STUM: variants seen among roughly 807,000 people sequenced by gnomAD.
The protein encoded by STUM is protein stum homolog.
STUM carries 8 observed loss-of-function variants against 15.3 expected under a neutral mutation model. The ratio of observed to expected loss-of-function variants is 0.52; its 90% CI spans 0.31 to 0.94. The LOEUF is 0.94. Ranked by LOEUF, STUM falls within the 40% of genes least tolerant of loss-of-function variation. The probability of loss-of-function intolerance (pLI) is 0.05; values close to 1 mark genes in which losing one functional copy is unlikely to be tolerated. For missense variants in STUM, 142 were observed against 204.9 expected (o/e 0.69, Z 1.87); for synonymous variants, 78 against 88.7 (o/e 0.88, Z 0.68).
Position 226,606,206 on chromosome 1 carries a change from G to GGA in STUM, c.*4167_*4168dup, listed in dbSNP as rs1668355089. Reference sequence around the variant, plus strand: ...CGAAGGCCCGAGGTTCTTGAGGAGGGGAAGCTGATAGGGCCCTGGTCTTTC... The same window carrying GGA: ...CGAAGGCCCGAGGTTCTTGAGGAGGGGAGAAGCTGATAGGGCCCTGGTCTTTC... On this transcript the variant is annotated 3_prime_UTR_variant, in exon 4 of 4. Coordinates refer to ENST00000366788, the MANE Select transcript of STUM (RefSeq NM_001003665.4). The GGA allele has an allele frequency of 7.5e-6, 1 of 133,656 alleles. No individual in the cohort carries two copies. Among genetic ancestry groups the GGA allele is most frequent in the Admixed American group, 7.3e-5 (1 of 13,636 alleles). The allele number at this position is 133,656 out of a possible 1,614,324, so 8.3% of individuals were successfully genotyped here.
chr1:226,596,824 T>G lies in STUM; in HGVS notation c.225T>G (p.Thr75=), dbSNP rs1186474884. The change falls in exon 2 of 4, where the codon ACT becomes ACG. Residue 75 remains threonine, a synonymous_variant. Coordinates refer to ENST00000366788, the MANE Select transcript of STUM (RefSeq NM_001003665.4). ...PGLGTFVSAF[T]VLCGARTDLP... ...CAGGGACATTCGTCTCGGCCTTCAC[T>G]GTGCTGTGCGGGGCCCGCACCGACC... 2 of 1,613,736 alleles carry G rather than the reference T, an allele frequency of 1.2e-6. No homozygotes were observed. The highest frequency in any genetic ancestry group is 2.2e-5 in the East Asian group (1 of 44,870).
At chr1:226,589,285 G>T (rs1169900852) in intron 1 of STUM, among the ~76,000 whole-genome samples, 2 of 152,268 alleles carry the variant, frequency 1.3e-5, no homozygotes, top group African/African-American at 4.8e-5. Flanking sequence ...CCCCCTTCCT[G>T]ATGGGAGACT....
At chr1:226,596,521 G>A (rs1426409215) in intron 1 of STUM, among the ~76,000 whole-genome samples, 2 of 152,202 alleles carry the variant, frequency 1.3e-5, no homozygotes, top group African/African-American at 4.8e-5. Flanking sequence ...TGCTTGTCCT[G>A]TGACTTCCTT....
chr1:226,602,294 T>A lies in STUM; in HGVS notation c.*254T>A. 1 of 515,538 alleles carries A rather than the reference T, an allele frequency of 1.9e-6. No homozygotes were observed. The highest frequency in any genetic ancestry group is 3.5e-6 in the Non-Finnish European group (1 of 286,460). 31.9% of individuals were successfully genotyped at this position (515,538 alleles called of 1,614,324 possible). A position where few individuals can be genotyped will look rare whatever the true frequency, so the allele number is the denominator to read the frequency against. Reference sequence around the variant, plus strand: ...AGAGCATCAGAGAGTGGGGTGGAGATGAGAACGCCCACAGAGAGGCTGGGA... The same window carrying A: ...AGAGCATCAGAGAGTGGGGTGGAGAAGAGAACGCCCACAGAGAGGCTGGGA... On this transcript the variant is annotated 3_prime_UTR_variant, in exon 4 of 4. Transcript: ENST00000366788.
In STUM at chr1:226,548,777, C is replaced by T; in HGVS notation, c.-128C>T. On this transcript the variant is annotated 5_prime_UTR_variant, in exon 1 of 4. Coordinates refer to ENST00000366788, the MANE Select transcript of STUM (RefSeq NM_001003665.4). ...GCGGGAGTCTCCGCGAGCCGCGCGG[C>T]GCACGGAGCACGGCGGCCGCCTGAG... 1.4e-6 allele frequency: 1 copy of T among 718,310 alleles called. No individual in the cohort carries two copies. The highest frequency in any genetic ancestry group is 1.9e-6 in the Non-Finnish European group (1 of 534,318). 44.5% of individuals were successfully genotyped at this position (718,310 alleles called of 1,614,324 possible).
At chr1:226,589,999 A>G (rs1029054873) in intron 1 of STUM, among the ~76,000 whole-genome samples, 2 of 152,128 alleles carry the variant, frequency 1.3e-5, no homozygotes, top group Admixed American at 6.5e-5. Flanking sequence ...GTGGCAGTCT[A>G]GAGGTGGAAC....
chr1:226,596,097 G>C (rs950815897), intron 1 of STUM, among the ~76,000 whole-genome samples: 1 of 152,198 alleles, frequency 6.6e-6, no homozygotes, highest in African/African-American at 2.4e-5. Flanking sequence ...TCTTAGACAA[G>C]GTGAAGAATG....
chr1:226,602,191 A>T lies in STUM; in HGVS notation c.*151A>T. 1 of 627,544 alleles carries T rather than the reference A, an allele frequency of 1.6e-6. No homozygotes were observed. The highest frequency in any genetic ancestry group is 2.8e-6 in the Non-Finnish European group (1 of 361,036). 38.9% of individuals were successfully genotyped at this position (627,544 alleles called of 1,614,324 possible). The stretch of plus-strand genomic sequence containing the variant: ...TTTTAAAAATATTATTTATTTTGAA[A>T]ACGCATCTGCTTTTCTCAGCAGGTT... On this transcript the variant is annotated 3_prime_UTR_variant, in exon 4 of 4. Transcript: ENST00000366788.
At chr1:226,585,910 G>A (rs2102704610) in intron 1 of STUM, among the ~76,000 whole-genome samples, 1 of 152,278 alleles carries the variant, frequency 6.6e-6, no homozygotes, top group Middle Eastern at 3.4e-3. Flanking sequence ...TTGGAAGCTG[G>A]GAAATCTGGG....
intron 1 of STUM, among the ~76,000 whole-genome samples, chr1:226,559,531 C>T (rs1244796138): frequency 2.0e-5 from 3 of 152,162 alleles, no homozygotes; most frequent in African/African-American, 7.2e-5. Flanking sequence ...GTGAGGACTG[C>T]GGAGGACAAC....
intron 1 of STUM, among the ~76,000 whole-genome samples, chr1:226,595,608 T>A (rs558976103): frequency 9.8e-5 from 15 of 152,314 alleles, no homozygotes; most frequent in African/African-American, 3.4e-4. Flanking sequence ...ACTTTGCAGA[T>A]GTGATTAAAT....
chr1:226,579,141 C>T (rs751625018), intron 1 of STUM, among the ~76,000 whole-genome samples: 9 of 152,186 alleles, frequency 5.9e-5, no homozygotes, highest in Non-Finnish European at 1.3e-4. Flanking sequence ...GTGAAGCCGG[C>T]TATGTGCGCT....
intron 1 of STUM, among the ~76,000 whole-genome samples, chr1:226,558,066 G>C (rs1667476478): frequency 6.6e-6 from 1 of 152,158 alleles, no homozygotes; most frequent in South Asian, 2.1e-4. Context: ...TTTCCTCTAA[G>C]ATCTGGAACA....
chr1:226,586,161 G>C (rs2102704797), intron 1 of STUM, among the ~76,000 whole-genome samples: 1 of 152,254 alleles, frequency 6.6e-6, no homozygotes, highest in South Asian at 2.1e-4. Context: ...TGCTTCTGAG[G>C]GCTCAAGGAC....
intron 1 of STUM, among the ~76,000 whole-genome samples, chr1:226,557,422 GA>G (rs1289659805): frequency 6.6e-6 from 1 of 152,128 alleles, no homozygotes; most frequent in African/African-American, 2.4e-5. Context: ...TAACTATTGT[GA>G]ATAGTGCTAT....
At chr1:226,566,216 A>G (rs1667623013) in intron 1 of STUM, among the ~76,000 whole-genome samples, 1 of 152,198 alleles carries the variant, frequency 6.6e-6, no homozygotes, top group Non-Finnish European at 1.5e-5. Flanking sequence ...GAAGTCATCA[A>G]AATACGCCTA....
rs1667325645 is a variant in STUM, at chr1:226,549,125, G to C, written c.202+19G>C. 6.4e-7 allele frequency: 1 copy of C among 1,560,588 alleles called. No individual in the cohort carries two copies. The highest frequency in any genetic ancestry group is 1.4e-5 in the African/African-American group (1 of 70,500). On this transcript the variant is annotated intron_variant, in intron 1 of 3. Coordinates refer to ENST00000366788, the MANE Select transcript of STUM (RefSeq NM_001003665.4). The surrounding 1 kb of genome is among the most constrained non-coding windows in gnomAD (Gnocchi z 6.8). ...GGACTGGGTAAGACACGGCTGCCGC[G>C]ACCCTTGCGACCCCCACCCCGCCGC...
chr1:226,572,483 G>T (rs778323940), intron 1 of STUM, among the ~76,000 whole-genome samples: 6 of 152,236 alleles, frequency 3.9e-5, no homozygotes, highest in African/African-American at 1.4e-4. Flanking sequence ...ATGCCTCGGG[G>T]AGATGGAAAG....
At chr1:226,569,102 G>A (rs1056042781) in intron 1 of STUM, among the ~76,000 whole-genome samples, 4 of 151,450 alleles carry the variant, frequency 2.6e-5, no homozygotes, top group Non-Finnish European at 5.9e-5. Context: ...TGGATCCAAC[G>A]GTATCACATG....
Sources: allele counts gnomAD v4.1 joint callset (sites outside exome capture counted in the v4.1 genomes callset), GRCh38; gene constraint gnomAD v4.1.1; non-coding constraint Gnocchi (gnomAD v3.1); transcripts MANE v1.5; gene names NCBI Gene and HGNC (gene_info 2026-07-23, HGNC 2026-07-21).